ULK4: variants seen among roughly 807,000 people sequenced by gnomAD.
ULK4 encodes inactive serine/threonine-protein kinase ULK4.
Under a neutral mutation model 160.6 loss-of-function variants are expected in ULK4, and 133 were observed. The observed-to-expected ratio is 0.83, with a 90% CI of 0.72 to 0.96. ULK4 has a LOEUF of 0.96. ULK4 is among the 40% of genes least tolerant of loss of function. The pLI is 0.00. For missense variants in ULK4, 1,580 were observed against 1,499.5 expected (o/e 1.05, Z -0.89); for synonymous variants, 534 against 539.8 (o/e 0.99, Z 0.15).
At chr3:41,607,217 G>A (rs1055665168) in intron 31 of ULK4, among the ~76,000 whole-genome samples, 1 of 152,068 alleles carries the variant, frequency 6.6e-6, no homozygotes, top group Non-Finnish European at 1.5e-5. Flanking sequence ...TAGTGAAAAG[G>A]AGATGTAGGG....
rs143322440 is a variant in ULK4 at position 41,569,366 on chromosome 3, T to C, written c.3121-3236A>G. On this transcript the variant is annotated intron_variant, in intron 31 of 36. Coordinates refer to ENST00000301831, the MANE Select transcript of ULK4 (RefSeq NM_017886.4). Reference sequence around the variant, plus strand: ...ACCATCCTGAAGCTACCCTAGGGGATGCCAGCCATCAACTCATTAGCATAC... The same window carrying C: ...ACCATCCTGAAGCTACCCTAGGGGACGCCAGCCATCAACTCATTAGCATAC... 9.2e-5 allele frequency among the ~76,000 whole-genome samples: 14 copies of C among 152,240 alleles called. No individual in the cohort carries two copies. The East Asian group carries it at 2.5e-3, about 27-fold the overall frequency.
intron 17 of ULK4, among the ~76,000 whole-genome samples, chr3:41,881,704 A>G (rs1321575593): frequency 1.3e-5 from 2 of 152,194 alleles, no homozygotes; most frequent in Non-Finnish European, 2.9e-5. Context: ...TTTTAATCAA[A>G]TAAGTATGAT....
chr3:41,519,279 C>T (rs2085850545), intron 32 of ULK4, among the ~76,000 whole-genome samples: 1 of 152,220 alleles, frequency 6.6e-6, no homozygotes, highest in Admixed American at 6.5e-5. Flanking sequence ...CTGTGCCTCA[C>T]AGGAGAGGCA....
At chr3:41,859,151 G>A (rs748295380) in intron 17 of ULK4, among the ~76,000 whole-genome samples, 3 of 152,146 alleles carry the variant, frequency 2.0e-5, no homozygotes, top group Non-Finnish European at 4.4e-5. Flanking sequence ...GACATAATTC[G>A]TTAAAGTGTA....
intron 32 of ULK4, among the ~76,000 whole-genome samples, chr3:41,520,971 G>C (rs756373434): frequency 2.8e-4 from 42 of 152,160 alleles, no homozygotes; most frequent in Admixed American, 1.2e-3. Context: ...TTCCTTATCA[G>C]ATATGTGATT....
At position 41,438,208 on chromosome 3, in the gene ULK4, T is replaced by C. The variant is rs73828026; in HGVS notation, c.3492+17289A>G. Among the ~76,000 whole-genome samples the C allele has an allele frequency of 2.6e-3, 389 of 152,230 alleles. 1 individual carries two copies. Among genetic ancestry groups the C allele is most frequent in the African/African-American group, 9.0e-3 (372 of 41,536 alleles). ...ATACCCTAGAGTAAGCCCTTGCTGT[T>C]TCTCCAGCCTCACTTCTTTTTGTAC... is the stretch of plus-strand genomic sequence containing the variant. On this transcript the variant is annotated intron_variant, in intron 34 of 36. Transcript: ENST00000301831.
intron 35 of ULK4, among the ~76,000 whole-genome samples, chr3:41,315,015 T>C (rs2080120827): frequency 6.6e-6 from 1 of 152,192 alleles, no homozygotes; most frequent in Non-Finnish European, 1.5e-5. Flanking sequence ...TAAAATTACT[T>C]ATAAATTCAT....
chr3:41,286,550 A>C (rs912084351), intron 35 of ULK4, among the ~76,000 whole-genome samples: 3 of 152,150 alleles, frequency 2.0e-5, no homozygotes, highest in African/African-American at 4.8e-5. Context: ...CAGGAAGAGG[A>C]GGCAAGGCAC....
intron 22 of ULK4, among the ~76,000 whole-genome samples, chr3:41,753,716 C>G (rs2038703557): frequency 6.6e-6 from 1 of 152,200 alleles, no homozygotes; most frequent in African/African-American, 2.4e-5. Context: ...ATATTGACTC[C>G]CAAAGGTACA....
At chr3:41,951,921 T>G (rs923043622) in intron 2 of ULK4, among the ~76,000 whole-genome samples, 1 of 152,226 alleles carries the variant, frequency 6.6e-6, no homozygotes, top group African/African-American at 2.4e-5. Flanking sequence ...GCTGGCACCT[T>G]AATCCTGGAC....
At chr3:41,616,806 G>A (rs72862123) in intron 30 of ULK4, among the ~76,000 whole-genome samples, 9,324 of 152,200 alleles carry the variant, frequency 0.061, 968 homozygotes, top group African/African-American at 0.21. Flanking sequence ...CCCAGGGAAG[G>A]GGGCTGAAGC....
At chr3:41,525,146 A>T (rs2086069675) in intron 32 of ULK4, among the ~76,000 whole-genome samples, 1 of 152,122 alleles carries the variant, frequency 6.6e-6, no homozygotes, top group African/African-American at 2.4e-5. Flanking sequence ...CAACTGAGGG[A>T]ATCTTTGTAA....
chr3:41,845,396 C>T (rs1376519835), intron 17 of ULK4, among the ~76,000 whole-genome samples: 2 of 150,420 alleles, frequency 1.3e-5, no homozygotes, highest in African/African-American at 5.0e-5. Flanking sequence ...CAGAAAATTA[C>T]ACCAAATGAA....
At chr3:41,876,678 T>A (rs138518492) in intron 17 of ULK4, among the ~76,000 whole-genome samples, 1 of 152,214 alleles carries the variant, frequency 6.6e-6, no homozygotes, top group Non-Finnish European at 1.5e-5. Context: ...AGTATACTCA[T>A]GTAATAAAAA....
chr3:41,507,839 C>A (rs181867195), intron 32 of ULK4, among the ~76,000 whole-genome samples: 200 of 152,308 alleles, frequency 1.3e-3, no homozygotes, highest in African/African-American at 4.4e-3. Flanking sequence ...CAGCTTGCAG[C>A]TCCCACTAGA....
intron 35 of ULK4, among the ~76,000 whole-genome samples, chr3:41,376,478 C>T (rs112607713): frequency 0.076 from 11,451 of 149,872 alleles, 922 homozygotes; most frequent in East Asian, 0.16. Flanking sequence ...GAAAACCCCA[C>T]TGTCTCAGCC....
intron 2 of ULK4, among the ~76,000 whole-genome samples, chr3:41,947,503 C>T (rs1655923816): frequency 6.6e-6 from 1 of 152,164 alleles, no homozygotes; most frequent in Non-Finnish European, 1.5e-5. Flanking sequence ...CCCTGCTGGC[C>T]TCCTCAACTG....
rs893974313 is a variant in ULK4, at chr3:41,455,385, C to A, written c.3492+112G>T. On this transcript the variant is annotated intron_variant, in intron 34 of 36. Coordinates refer to ENST00000301831, the MANE Select transcript of ULK4 (RefSeq NM_017886.4). ...AATAATCTTCTGAAAGTTCTTTTGG[C>A]TCTAGTTTTGAAGGGAATAAAAATA... The A allele has an allele frequency of 3.1e-6, 3 of 954,810 alleles. No individual in the cohort carries two copies. The African/African-American group carries it at 5.0e-5, about 16-fold the overall frequency. 59.1% of individuals were successfully genotyped at this position (954,810 alleles called of 1,614,324 possible).
In ULK4 at chr3:41,845,122, C is replaced by T. The variant is rs190622671; in HGVS notation, c.1657-9151G>A. 4.0e-3 allele frequency among the ~76,000 whole-genome samples: 605 copies of T among 152,244 alleles called. 2 individuals carry two copies. Among genetic ancestry groups the T allele is most frequent in the African/African-American group, 0.014 (582 of 41,548 alleles). On this transcript the variant is annotated intron_variant, in intron 17 of 36. Transcript: ENST00000301831. ...CTGGGACTACAGGCACCCACCACCA[C>T]GCCCGGCTAATTTTTTGTATTTTTA...
Sources: allele counts gnomAD v4.1 joint callset (sites outside exome capture counted in the v4.1 genomes callset), GRCh38; gene constraint gnomAD v4.1.1; transcripts MANE v1.5; gene names NCBI Gene and HGNC (gene_info 2026-07-23, HGNC 2026-07-21).